Variants in SLC6A16 observed in about 807,000 individuals in gnomAD.
The protein encoded by SLC6A16 is orphan sodium- and chloride-dependent neurotransmitter transporter NTT5.
Under a neutral mutation model 65.4 loss-of-function variants are expected in SLC6A16, and 54 were observed. The observed-to-expected ratio is 0.83, with a 90% confidence interval of 0.66 to 1.04. The LOEUF is 1.04. Among genes scored for constraint, SLC6A16 ranks in the 50% least tolerant of loss-of-function variants. The pLI is 0.00. For missense variants in SLC6A16, 816 were observed against 914.0 expected (o/e 0.89, Z 1.38); for synonymous variants, 330 against 346.5 (o/e 0.95, Z 0.53).
At chr19:49,331,370 C>G in the SLC6A16 span, among the ~76,000 whole-genome samples, 4 of 152,120 alleles carry the variant, frequency 2.6e-5, no homozygotes, top group African/African-American at 9.7e-5. Context: ...TTTTTGTAGA[C>G]AGGGTCTCAC....
At chr19:49,328,163 A>G (rs2146192862), upstream of SLC6A16, among the ~76,000 whole-genome samples, 1 of 152,282 alleles carries the variant, frequency 6.6e-6, no homozygotes, top group East Asian at 1.9e-4. Flanking sequence ...AGACTGGGTA[A>G]TTTACGAAGA....
rs766233355 is a variant in SLC6A16 at position 49,308,818 on chromosome 19, G to T, written c.1229+58C>A. The stretch of plus-strand genomic sequence containing the variant: ...TCTTTGCAGCACCTTTAAGGTTAGG[G>T]TCTCAGGGTTTTAAAGTTCCCTGGA... On this transcript the variant is annotated intron_variant, in intron 7 of 11. Transcript: ENST00000335875. The T allele has an allele frequency of 3.7e-6, 6 of 1,604,832 alleles. No homozygotes were observed. The Admixed American group carries it at 8.4e-5, about 22-fold the overall frequency.
At chr19:49,319,440 AATACAT>A (rs75886561) in intron 1 of SLC6A16, among the ~76,000 whole-genome samples, 62,657 of 149,116 alleles carry the variant, frequency 0.42, 14,281 homozygotes, top group Admixed American at 0.55. Context: ...TATACATATA[AATACAT>A]ATACATATAC....
At chr19:49,309,516 A>G (rs1715136959) in intron 5 of SLC6A16, 105 bp from the exon 6 acceptor site, 1 of 1,266,168 alleles carries the variant, frequency 7.9e-7, no homozygotes, top group African/African-American at 1.5e-5. Flanking sequence ...GAGTTAGAAG[A>G]AAGCCTTCAG....
the SLC6A16 span, among the ~76,000 whole-genome samples, chr19:49,332,920 G>C: frequency 1.3e-5 from 2 of 152,130 alleles, no homozygotes; most frequent in Admixed American, 1.3e-4. Flanking sequence ...TCAGCACTTT[G>C]GGAGGCCAAG....
At chr19:49,338,849 C>T in the SLC6A16 span, 2 of 1,614,152 alleles carry the variant, frequency 1.2e-6, no homozygotes, top group Non-Finnish European at 1.7e-6. This position sits in a 1 kb window ranked among gnomAD's most constrained non-coding sequence, Gnocchi z 5.0. Flanking sequence ...TGATCTTGCC[C>T]CAGCTCAGCA....
intron 1 of SLC6A16, among the ~76,000 whole-genome samples, chr19:49,312,211 A>C (rs2146140855): frequency 6.6e-6 from 1 of 152,282 alleles, no homozygotes; most frequent in South Asian, 2.1e-4. Flanking sequence ...GGGCTTCTGA[A>C]TTTAAAAACA....
intron 4 of SLC6A16, 101 bp downstream of exon 4, chr19:49,309,939 C>A: frequency 6.8e-7 from 1 of 1,465,510 alleles, no homozygotes; most frequent in East Asian, 2.3e-5. Flanking sequence ...TTTCCTTCTT[C>A]TTCCTCTTCC....
At chr19:49,297,380 C>T (rs1004374107) in intron 7 of SLC6A16, among the ~76,000 whole-genome samples, 7 of 152,290 alleles carry the variant, frequency 4.6e-5, no homozygotes, top group African/African-American at 1.7e-4. Context: ...TGGCATACCA[C>T]ACCACACATC....
At chr19:49,337,654 A>G in the SLC6A16 span, 1 of 1,516,026 alleles carries the variant, frequency 6.6e-7, no homozygotes, top group Non-Finnish European at 8.8e-7. Flanking sequence ...ACCAAGGGAG[A>G]CAGGCATAAA....
At chr19:49,294,314 G>T (rs1290846504) in intron 8 of SLC6A16, 53 bp downstream of exon 8, 8 of 1,550,218 alleles carry the variant, frequency 5.2e-6, no homozygotes, top group Non-Finnish European at 6.2e-6. Flanking sequence ...AATTTCTGTT[G>T]TGCTAAAGGC....
intron 7 of SLC6A16, among the ~76,000 whole-genome samples, chr19:49,306,547 C>CTTT (rs1174068777): frequency 1.7e-5 from 2 of 114,892 alleles, no homozygotes; most frequent in East Asian, 2.7e-4. Context: ...TTTTTTTTTT[C>CTTT]TTTTTTTTTT....
At chr19:49,299,534 T>TAAAAA (rs761974008) in intron 7 of SLC6A16, among the ~76,000 whole-genome samples, 1 of 36,302 alleles carries the variant, frequency 2.8e-5, no homozygotes, top group Non-Finnish European at 5.2e-5. Context: ...AGGCTTGGTG[T>TAAAAA]AAAAAAAAAA....
chr19:49,339,760 C>T, the SLC6A16 span: 42 of 1,386,760 alleles, frequency 3.0e-5, no homozygotes, highest in Non-Finnish European at 3.8e-5. This position sits in a 1 kb window ranked among gnomAD's most constrained non-coding sequence, Gnocchi z 4.5. Flanking sequence ...CGGGCCCAGC[C>T]TGATCGCTGA....
chr19:49,337,948 C>T, the SLC6A16 span: 2 of 1,614,076 alleles, frequency 1.2e-6, no homozygotes, highest in Admixed American at 1.7e-5. Context: ...TGCGGGACGT[C>T]GTAGAGAAAA....
chr19:49,303,863 C>T lies in SLC6A16; in HGVS notation c.1229+5013G>A, dbSNP rs139276503. ...ATTTTTACAGAAGTACAACTCCTAA[C>T]AAAATAATGCTGGCCCAGCCAAACA... On this transcript the variant is annotated intron_variant, in intron 7 of 11. Transcript: ENST00000335875. Among the ~76,000 whole-genome samples the T allele has an allele frequency of 6.2e-4, 94 of 152,274 alleles. 3 individuals carry two copies. The East Asian group carries it at 0.016, about 26-fold the overall frequency.
At chr19:49,329,099 T>TG (rs1970824373), upstream of SLC6A16, among the ~76,000 whole-genome samples, 1 of 152,088 alleles carries the variant, frequency 6.6e-6, no homozygotes, top group African/African-American at 2.4e-5. Flanking sequence ...ATGTTTATTG[T>TG]GTTTTTTTTT....
intron 7 of SLC6A16, chr19:49,306,152 G>A (rs1970381749): frequency 6.6e-6 from 1 of 152,026 alleles, no homozygotes; most frequent in African/African-American, 2.4e-5. Context: ...CAAAAAATTA[G>A]CCAGGCATGG....
intron 1 of SLC6A16, among the ~76,000 whole-genome samples, chr19:49,313,913 G>T (rs189782271): frequency 6.6e-6 from 1 of 151,936 alleles, no homozygotes; most frequent in Non-Finnish European, 1.5e-5. Flanking sequence ...TGGCTAACAC[G>T]GTGAAACCCC....
Sources: gnomAD v4.1 joint callset for allele counts (sites outside exome capture counted in the v4.1 genomes callset) on GRCh38, gnomAD v4.1.1 for gene constraint, Gnocchi (gnomAD v3.1) non-coding constraint, MANE v1.5 for transcripts, NCBI Gene and HGNC (gene_info 2026-07-23, HGNC 2026-07-21) for gene names.